SCFD2: variants seen among roughly 807,000 people sequenced by gnomAD.
SCFD2 encodes sec1 family domain containing 2, also known as sec1 family domain-containing protein 2.
Under a neutral mutation model 58.9 loss-of-function variants are expected in SCFD2, and 54 were observed. The ratio of observed to expected loss-of-function variants is 0.92; its 90% confidence interval spans 0.74 to 1.15. The LOEUF (loss-of-function observed/expected upper bound fraction) is 1.15, where lower values mean the gene tolerates loss of function less well. Among genes scored for constraint, SCFD2 ranks in the 50% most tolerant of loss-of-function variants. SCFD2 has a pLI of 0.00. For synonymous variants in SCFD2, 321 were observed against 335.9 expected, an observed-to-expected ratio of 0.96 and a Z score of 0.49; for missense variants, 805 against 836.6, an observed-to-expected ratio of 0.96 and a Z score of 0.47.
chr4:53,222,819 T>C (rs150384938), intron 4 of SCFD2, among the ~76,000 whole-genome samples: 24 of 152,362 alleles, frequency 1.6e-4, no homozygotes, highest in Non-Finnish European at 2.9e-4. Flanking sequence ...GTGTCCTATC[T>C]GGTTACTGTT....
intron 7 of SCFD2, among the ~76,000 whole-genome samples, chr4:52,902,136 G>A (rs1376015240): frequency 6.6e-6 from 1 of 152,216 alleles, no homozygotes; most frequent in Non-Finnish European, 1.5e-5. Context: ...GGGGGCCTGA[G>A]TAGCTTGGGG....
At chr4:52,998,488 T>C (rs1199061533) in intron 5 of SCFD2, among the ~76,000 whole-genome samples, 2 of 152,270 alleles carry the variant, frequency 1.3e-5, no homozygotes, top group African/African-American at 2.4e-5. Flanking sequence ...CTTGTTCATA[T>C]ATATGAATGT....
intron 4 of SCFD2, among the ~76,000 whole-genome samples, chr4:53,148,306 G>A (rs1319364858): frequency 1.3e-5 from 2 of 152,174 alleles, no homozygotes; most frequent in African/African-American, 4.8e-5. Flanking sequence ...ATACGTGCAA[G>A]AGAATAAAAT....
chr4:52,879,470 T>C (rs569051184), intron 8 of SCFD2, among the ~76,000 whole-genome samples: 21 of 152,328 alleles, frequency 1.4e-4, no homozygotes, highest in Non-Finnish European at 2.4e-4. Context: ...TGTTTGAAGA[T>C]GCAGCTCATT....
chr4:53,203,880 T>A (rs1361296570), intron 4 of SCFD2, among the ~76,000 whole-genome samples: 1 of 152,146 alleles, frequency 6.6e-6, no homozygotes, highest in Non-Finnish European at 1.5e-5. Flanking sequence ...GGAGGTTTCG[T>A]ATCTGGAGAG....
At chr4:52,933,218 T>C (rs1720043029) in intron 5 of SCFD2, among the ~76,000 whole-genome samples, 1 of 152,138 alleles carries the variant, frequency 6.6e-6, no homozygotes, top group Non-Finnish European at 1.5e-5. Context: ...TCTGTTTCCC[T>C]GACCCCGAGA....
intron 4 of SCFD2, among the ~76,000 whole-genome samples, chr4:53,193,023 G>A (rs1332429116): frequency 6.6e-6 from 1 of 152,168 alleles, no homozygotes; most frequent in East Asian, 1.9e-4. Context: ...CCTCCTTATT[G>A]TAAACGAGTT....
At chr4:53,309,163 A>G (rs1732610746) in intron 3 of SCFD2, among the ~76,000 whole-genome samples, 1 of 152,148 alleles carries the variant, frequency 6.6e-6, no homozygotes. Context: ...ACAGTACAGT[A>G]CAGTGTTCAA....
At chr4:53,243,382 C>G (rs549240489) in intron 4 of SCFD2, among the ~76,000 whole-genome samples, 6 of 152,136 alleles carry the variant, frequency 3.9e-5, no homozygotes, top group African/African-American at 1.4e-4. Flanking sequence ...CCAAACTAAG[C>G]TTTATAAGCA....
At chr4:53,232,701 C>T (rs1264287352) in intron 4 of SCFD2, among the ~76,000 whole-genome samples, 1 of 152,172 alleles carries the variant, frequency 6.6e-6, no homozygotes, top group African/African-American at 2.4e-5. Flanking sequence ...CTGAGGAAAG[C>T]CACATATTCC....
At chr4:53,102,694 G>T (rs1458097201) in intron 5 of SCFD2, among the ~76,000 whole-genome samples, 1 of 151,990 alleles carries the variant, frequency 6.6e-6, no homozygotes, top group Non-Finnish European at 1.5e-5. Context: ...TCATCCATCA[G>T]TTTGACAAAA....
chr4:53,012,018 T>C (rs1031660238), intron 5 of SCFD2, among the ~76,000 whole-genome samples: 1 of 137,848 alleles, frequency 7.3e-6, no homozygotes, highest in African/African-American at 2.7e-5. Flanking sequence ...TTTTTTTTTT[T>C]TAATAGCTTA....
chr4:52,972,369 A>G (rs1467264436), intron 5 of SCFD2, among the ~76,000 whole-genome samples: 1 of 152,202 alleles, frequency 6.6e-6, no homozygotes, highest in East Asian at 1.9e-4. Flanking sequence ...TTGCAATCCT[A>G]GTCTCGGATA....
At chr4:52,897,820 C>A (rs934634824) in intron 7 of SCFD2, among the ~76,000 whole-genome samples, 34 of 152,182 alleles carry the variant, frequency 2.2e-4, no homozygotes, top group African/African-American at 8.2e-4. Context: ...TTAATTATTG[C>A]CTCAATTTCA....
At chr4:52,963,721 C>A (rs1475609832) in intron 5 of SCFD2, among the ~76,000 whole-genome samples, 1 of 152,160 alleles carries the variant, frequency 6.6e-6, no homozygotes, top group Non-Finnish European at 1.5e-5. Context: ...ACAGGATTCT[C>A]TTCTGTAAAT....
intron 2 of SCFD2, among the ~76,000 whole-genome samples, chr4:53,324,659 G>A (rs1426134018): frequency 3.9e-5 from 6 of 152,224 alleles, no homozygotes; most frequent in Admixed American, 2.0e-4. Flanking sequence ...AGCAGGCTGA[G>A]GGGGCTTAGG....
chr4:53,324,832 A>C (rs1435447971), intron 2 of SCFD2, among the ~76,000 whole-genome samples: 1 of 152,198 alleles, frequency 6.6e-6, no homozygotes, highest in Non-Finnish European at 1.5e-5. Context: ...TTCCCTGACT[A>C]GTTGTTTGCT....
At chr4:53,362,319 C>A (rs1053575755) in intron 1 of SCFD2, among the ~76,000 whole-genome samples, 4 of 152,096 alleles carry the variant, frequency 2.6e-5, no homozygotes, top group African/African-American at 9.7e-5. Context: ...GAGGGGAGAT[C>A]AGGTATGGCC....
At chr4:53,067,210 C>A (rs1338633913) in intron 5 of SCFD2, among the ~76,000 whole-genome samples, 1 of 151,966 alleles carries the variant, frequency 6.6e-6, no homozygotes, top group African/African-American at 2.4e-5. Context: ...GACCATGGAG[C>A]AAAATGTACA....
Sources: allele counts gnomAD v4.1 joint callset (sites outside exome capture counted in the v4.1 genomes callset), GRCh38; gene constraint gnomAD v4.1.1; transcripts MANE v1.5; gene names NCBI Gene and HGNC (gene_info 2026-07-23, HGNC 2026-07-21).